Variants in VWA8 observed in about 807,000 individuals in gnomAD.
The protein encoded by VWA8 is von Willebrand factor A domain-containing protein 8.
In VWA8, 221 loss-of-function variants were observed where a neutral mutation model predicts 241.5. The ratio of observed to expected loss-of-function variants is 0.91; its 90% CI spans 0.82 to 1.02. The LOEUF (loss-of-function observed/expected upper bound fraction) is 1.02. Among genes scored for constraint, VWA8 ranks in the 50% least tolerant of loss-of-function variants. The pLI, the probability that VWA8 is intolerant of heterozygous loss-of-function variation, is 0.00. For missense variants in VWA8, 2,322 were observed against 2,328.7 expected (o/e 1.00, Z 0.06); for synonymous variants, 852 against 827.1 (o/e 1.03, Z -0.52).
At chr13:41,798,283 G>A (rs1040127195) in intron 17 of VWA8, among the ~76,000 whole-genome samples, 2 of 151,674 alleles carry the variant, frequency 1.3e-5, no homozygotes, top group Non-Finnish European at 2.9e-5. Context: ...CTTTCTCACC[G>A]TAGTTTCCTG....
chr13:41,708,128 C>T (rs1027793941), intron 26 of VWA8, among the ~76,000 whole-genome samples: 11 of 151,964 alleles, frequency 7.2e-5, no homozygotes, highest in African/African-American at 1.2e-4. Flanking sequence ...GAGGCCGAGG[C>T]GGGCGGATCA....
rs116817968 is a variant in VWA8 at position 41,912,716 on chromosome 13, C to T, written c.242-548G>A. 8.5e-3 allele frequency among the ~76,000 whole-genome samples: 1,287 copies of T among 152,250 alleles called. 21 individuals carry two copies. The highest frequency in any genetic ancestry group is 0.03 in the African/African-American group (1,231 of 41,548). ...TCATGGTTAGAAAATTTGATGTAGA[C>T]TTAAAACTACTTCTTTAGAATTAAC... is the stretch of plus-strand genomic sequence containing the variant. On this transcript the variant is annotated intron_variant, in intron 2 of 44. Transcript: ENST00000379310.
chr13:41,677,199 G>A (rs2045066201), intron 35 of VWA8, among the ~76,000 whole-genome samples: 2 of 151,986 alleles, frequency 1.3e-5, no homozygotes, highest in South Asian at 2.1e-4. Flanking sequence ...AAAGTTGGGG[G>A]AAGATAAAGA....
At chr13:41,958,196 T>A (rs920097473) in intron 1 of VWA8, among the ~76,000 whole-genome samples, 1 of 152,216 alleles carries the variant, frequency 6.6e-6, no homozygotes, top group African/African-American at 2.4e-5. Flanking sequence ...AAATGACCTA[T>A]TTTCCTTCTG....
At chr13:41,850,965 A>T (rs1872508898) in intron 12 of VWA8, among the ~76,000 whole-genome samples, 1 of 152,228 alleles carries the variant, frequency 6.6e-6, no homozygotes, top group South Asian at 2.1e-4. Context: ...AACAATATAC[A>T]AACAAAGTGA....
At chr13:41,914,796 T>C (rs577793344) in intron 2 of VWA8, among the ~76,000 whole-genome samples, 1 of 152,342 alleles carries the variant, frequency 6.6e-6, no homozygotes, top group East Asian at 1.9e-4. Flanking sequence ...TTATCTGGAC[T>C]TGATAATTTA....
At chr13:41,702,518 C>T (rs952740376) in intron 27 of VWA8, among the ~76,000 whole-genome samples, 2 of 152,200 alleles carry the variant, frequency 1.3e-5, no homozygotes, top group African/African-American at 4.8e-5. Context: ...TCACTTTGTC[C>T]TACTGTAAGG....
intron 29 of VWA8, among the ~76,000 whole-genome samples, chr13:41,695,042 T>C (rs958052562): frequency 1.3e-5 from 2 of 152,184 alleles, no homozygotes; most frequent in African/African-American, 4.8e-5. Flanking sequence ...TGATAGATTC[T>C]GTCTGGGTTT....
intron 9 of VWA8, 65 bp downstream of exon 9, chr13:41,883,322 G>A: frequency 7.7e-7 from 1 of 1,306,488 alleles, no homozygotes. Context: ...GTGAGGGGAA[G>A]ATGGGAAAAG....
At chr13:41,639,033 T>A (rs1192874158) in intron 37 of VWA8, among the ~76,000 whole-genome samples, 1 of 152,172 alleles carries the variant, frequency 6.6e-6, no homozygotes, top group Non-Finnish European at 1.5e-5. Context: ...GCTTCTGGTA[T>A]CTTCCATTTT....
At chr13:41,804,635 T>C (rs948481977) in intron 17 of VWA8, among the ~76,000 whole-genome samples, 3 of 152,194 alleles carry the variant, frequency 2.0e-5, no homozygotes, top group South Asian at 2.1e-4. Context: ...TAACATTTAT[T>C]TGTAGTATGT....
At chr13:41,798,669 T>A (rs913591103) in intron 17 of VWA8, among the ~76,000 whole-genome samples, 2 of 152,212 alleles carry the variant, frequency 1.3e-5, no homozygotes, top group African/African-American at 4.8e-5. Context: ...TGTAGACTCA[T>A]GTCTTTCTGC....
rs372360035 is a variant in VWA8 at position 41,590,697 on chromosome 13, A to G, written c.5055T>C (p.Ile1685=). ...ATGELDDAKI[I]DGLTGEKAIY... is the part of the protein sequence containing the mutation. ...TGGCTTTTTCTCCAGTCAGCCCATC[A>G]ATGATCTTGGCATCATCTAATTCTC... The change falls in exon 41 of 45, where the codon ATT becomes ATC. Residue 1685 remains isoleucine, a synonymous_variant. Coordinates refer to ENST00000379310, the MANE Select transcript of VWA8 (RefSeq NM_015058.2). The G allele has an allele frequency of 6.8e-6, 11 of 1,614,034 alleles. No individual in the cohort carries two copies. The highest frequency in any genetic ancestry group is 8.5e-6 in the Non-Finnish European group (10 of 1,180,030).
At chr13:41,872,615 G>A (rs1268526771) in intron 9 of VWA8, among the ~76,000 whole-genome samples, 1 of 152,152 alleles carries the variant, frequency 6.6e-6, no homozygotes, top group Non-Finnish European at 1.5e-5. Flanking sequence ...TCAGACAGTT[G>A]TAGATATATG....
intron 9 of VWA8, among the ~76,000 whole-genome samples, chr13:41,869,567 G>A (rs1873484491): frequency 7.2e-6 from 1 of 139,604 alleles, no homozygotes; most frequent in Non-Finnish European, 1.5e-5. Flanking sequence ...AGAGACAGAG[G>A]TTGCAGTGAA....
chr13:41,708,684 T>G (rs2045298020), intron 26 of VWA8, among the ~76,000 whole-genome samples: 1 of 152,210 alleles, frequency 6.6e-6, no homozygotes. Context: ...ACCTAGGTCC[T>G]GCAGAGATCA....
chr13:41,587,109 A>C (rs942899115), intron 42 of VWA8, among the ~76,000 whole-genome samples: 4 of 152,170 alleles, frequency 2.6e-5, no homozygotes, highest in African/African-American at 9.7e-5. Flanking sequence ...TGACTGTATA[A>C]CCCCTGCCCA....
At chr13:41,916,742 T>G (rs9594651) in intron 2 of VWA8, among the ~76,000 whole-genome samples, 1 of 152,184 alleles carries the variant, frequency 6.6e-6, no homozygotes, top group Non-Finnish European at 1.5e-5. Context: ...ATTTTTAGAA[T>G]GGCCTCAAGA....
At chr13:41,778,145 A>AAG in intron 19 of VWA8, 89 bp from the exon 20 acceptor site, 1 of 836,892 alleles carries the variant, frequency 1.2e-6, no homozygotes, top group Non-Finnish European at 1.7e-6. Context: ...ATAGAATATA[A>AAG]ATATCTATTA....
Sources: gnomAD v4.1 joint callset for allele counts (sites outside exome capture counted in the v4.1 genomes callset) on GRCh38, gnomAD v4.1.1 for gene constraint, MANE v1.5 for transcripts, NCBI Gene and HGNC (gene_info 2026-07-23, HGNC 2026-07-21) for gene names.